FRMD4A: variants seen among roughly 807,000 people sequenced by gnomAD.
The protein encoded by FRMD4A is FERM domain-containing protein 4A.
Under a neutral mutation model 129.1 loss-of-function variants are expected in FRMD4A, and 29 were observed. That is an observed-to-expected ratio of 0.22 (90% CI 0.17 to 0.31). FRMD4A has a LOEUF of 0.31. FRMD4A is among the 10% of genes least tolerant of loss of function. FRMD4A has a pLI of 1.00. For missense variants in FRMD4A, 1,272 were observed against 1,375.8 expected, an observed-to-expected ratio of 0.92 and a Z score of 1.19; for synonymous variants, 634 against 571.6, an observed-to-expected ratio of 1.11 and a Z score of -1.56.
At chr10:14,317,639 T>C (rs1052733386) in intron 2 of FRMD4A, among the ~76,000 whole-genome samples, 39 of 150,638 alleles carry the variant, frequency 2.6e-4, no homozygotes, top group Admixed American at 1.5e-3. Context: ...TCTTAAAATC[T>C]TTTTACAAAG....
At chr10:14,067,295 G>T (rs1020355038) in intron 2 of FRMD4A, among the ~76,000 whole-genome samples, 11 of 151,290 alleles carry the variant, frequency 7.3e-5, no homozygotes, top group African/African-American at 2.4e-4. Flanking sequence ...CAGCCTGGGC[G>T]ACAGAGAGAG....
intron 2 of FRMD4A, among the ~76,000 whole-genome samples, chr10:14,203,912 A>T (rs750785403): frequency 2.0e-5 from 3 of 152,212 alleles, no homozygotes; most frequent in Non-Finnish European, 4.4e-5. Flanking sequence ...CTGGAGCAAG[A>T]TCTATTTGTC....
intron 2 of FRMD4A, among the ~76,000 whole-genome samples, chr10:14,072,622 C>T (rs1835369005): frequency 6.6e-6 from 1 of 152,124 alleles, no homozygotes; most frequent in Non-Finnish European, 1.5e-5. Flanking sequence ...GTTTTCATAA[C>T]TGTTGAAGCT....
chr10:14,251,431 G>T (rs1024894352), intron 2 of FRMD4A, among the ~76,000 whole-genome samples: 1 of 152,170 alleles, frequency 6.6e-6, no homozygotes, highest in African/African-American at 2.4e-5. Flanking sequence ...ATATCCCCCA[G>T]TTGAGCCTTC....
intron 2 of FRMD4A, among the ~76,000 whole-genome samples, chr10:13,943,512 G>A (rs1437928716): frequency 6.6e-6 from 1 of 151,450 alleles, no homozygotes; most frequent in South Asian, 2.1e-4. Context: ...GCTGGGCGTG[G>A]TGGCACGTGC....
intron 2 of FRMD4A, chr10:14,008,421 T>A: frequency 9.8e-7 from 1 of 1,024,162 alleles, no homozygotes; most frequent in Non-Finnish European, 1.2e-6. Flanking sequence ...CTTTCTTCCA[T>A]CTGTCCCTCT....
intron 2 of FRMD4A, among the ~76,000 whole-genome samples, chr10:14,231,090 G>T (rs1051161073): frequency 1.2e-4 from 19 of 152,236 alleles, no homozygotes; most frequent in African/African-American, 4.6e-4. Flanking sequence ...ACATATGAGT[G>T]CCTGTGTCTT....
At chr10:14,126,765 T>C (rs1236924013) in intron 2 of FRMD4A, among the ~76,000 whole-genome samples, 2 of 152,036 alleles carry the variant, frequency 1.3e-5, no homozygotes, top group African/African-American at 4.8e-5. Context: ...CTGAACAAAA[T>C]GTGGGTCTTA....
intron 2 of FRMD4A, among the ~76,000 whole-genome samples, chr10:14,101,934 A>T (rs1044573608): frequency 6.6e-6 from 1 of 152,180 alleles, no homozygotes; most frequent in African/African-American, 2.4e-5. Flanking sequence ...TTGGATGACC[A>T]TCATTACTCA....
chr10:13,944,299 C>A (rs569661380), intron 2 of FRMD4A, among the ~76,000 whole-genome samples: 6 of 152,078 alleles, frequency 3.9e-5, no homozygotes, highest in African/African-American at 1.2e-4. Context: ...GAACCCTGTT[C>A]GTGAACTGTG....
chr10:14,245,262 C>T (rs919195392), intron 2 of FRMD4A, among the ~76,000 whole-genome samples: 8 of 152,182 alleles, frequency 5.3e-5, no homozygotes, highest in Non-Finnish European at 1.0e-4. Flanking sequence ...GCATAGGCAC[C>T]GGCCTTAGGT....
rs144459714 is a variant in FRMD4A, at chr10:13,671,533, G to T, written c.1252-1005C>A. Among the ~76,000 whole-genome samples the T allele has an allele frequency of 3.9e-5, 6 of 152,316 alleles. No individual in the cohort carries two copies. In the East Asian group the frequency reaches 1.2e-3, roughly 29 times the overall value. On this transcript the variant is annotated intron_variant, in intron 16 of 24. Coordinates refer to ENST00000357447, the MANE Select transcript of FRMD4A (RefSeq NM_018027.5). The stretch of plus-strand genomic sequence containing the variant: ...AGGCTACTAAAAAAACACTTGTTTT[G>T]TGTATTTTGGGCCCCGGAAATCTAC...
At chr10:13,820,011 T>C (rs1055351854) in intron 3 of FRMD4A, among the ~76,000 whole-genome samples, 1 of 152,042 alleles carries the variant, frequency 6.6e-6, no homozygotes, top group Non-Finnish European at 1.5e-5. Context: ...TGCCTCCTTA[T>C]AAGAGAGATA....
At chr10:13,894,405 G>A (rs2094734565) in intron 2 of FRMD4A, among the ~76,000 whole-genome samples, 2 of 152,072 alleles carry the variant, frequency 1.3e-5, no homozygotes, top group African/African-American at 2.4e-5. Flanking sequence ...CTTATCTTTT[G>A]CCACCCAGCC....
At chr10:13,759,280 A>T (rs1284678178) in intron 8 of FRMD4A, among the ~76,000 whole-genome samples, 1 of 152,176 alleles carries the variant, frequency 6.6e-6, no homozygotes, top group Non-Finnish European at 1.5e-5. Context: ...ATGGAGCACA[A>T]CCCGGATCCT....
At chr10:14,207,139 C>T (rs988727227) in intron 2 of FRMD4A, among the ~76,000 whole-genome samples, 1 of 151,864 alleles carries the variant, frequency 6.6e-6, no homozygotes, top group African/African-American at 2.4e-5. Context: ...AACAACATTC[C>T]AGAGTGTTCT....
chr10:13,902,457 G>GAGAA (rs1491481012), intron 2 of FRMD4A, among the ~76,000 whole-genome samples: 2 of 1,360 alleles, frequency 1.5e-3, no homozygotes, highest in Non-Finnish European at 5.0e-3. Flanking sequence ...CAAAATACTG[G>GAGAA]AGAGAGAGAG....
At chr10:13,902,907 C>A (rs970699973) in intron 2 of FRMD4A, among the ~76,000 whole-genome samples, 1 of 151,572 alleles carries the variant, frequency 6.6e-6, no homozygotes, top group Non-Finnish European at 1.5e-5. Flanking sequence ...CCATTTCCAA[C>A]CCAGGTCTCT....
chr10:14,101,834 G>T (rs1343248699), intron 2 of FRMD4A, among the ~76,000 whole-genome samples: 1 of 152,010 alleles, frequency 6.6e-6, no homozygotes, highest in Non-Finnish European at 1.5e-5. Flanking sequence ...AAGCACAGAG[G>T]TATATTCTCT....
Sources: allele counts gnomAD v4.1 joint callset (sites outside exome capture counted in the v4.1 genomes callset), GRCh38; gene constraint gnomAD v4.1.1; transcripts MANE v1.5; gene names NCBI Gene and HGNC (gene_info 2026-07-23, HGNC 2026-07-21).